The following NRXN3 variants were observed in gnomAD, a reference collection of about 807,000 sequenced individuals.
NRXN3 encodes the protein neurexin 3, also known as neurexin III.
In NRXN3, 32 loss-of-function variants were observed where a neutral mutation model predicts 137.6. The observed-to-expected ratio is 0.23, with a 90% confidence interval of 0.18 to 0.31. The LOEUF is 0.31. NRXN3 is among the 10% of genes least tolerant of loss of function. The probability of loss-of-function intolerance (pLI) is 1.00; values close to 1 mark genes in which losing one functional copy is unlikely to be tolerated. For synonymous variants in NRXN3, 798 were observed against 784.5 expected, an observed-to-expected ratio of 1.02 and a Z score of -0.29; for missense variants, 1,574 against 2,062.5, an observed-to-expected ratio of 0.76 and a Z score of 4.59.
chr14:79,290,318 C>A (rs182534319), intron 15 of NRXN3, among the ~76,000 whole-genome samples: 1 of 152,080 alleles, frequency 6.6e-6, no homozygotes, highest in Non-Finnish European at 1.5e-5. Flanking sequence ...GGCAATAGAG[C>A]GGGTTGATAG....
At chr14:79,220,054 A>G (rs1042620845) in intron 15 of NRXN3, among the ~76,000 whole-genome samples, 6 of 152,202 alleles carry the variant, frequency 3.9e-5, no homozygotes, top group African/African-American at 1.4e-4. Flanking sequence ...ATTGGAATGT[A>G]GTTTATAGTT....
At chr14:79,746,963 C>T (rs1026368520) in intron 19 of NRXN3, among the ~76,000 whole-genome samples, 8 of 152,054 alleles carry the variant, frequency 5.3e-5, no homozygotes, top group African/African-American at 1.9e-4. Context: ...TGACACTTTA[C>T]CTAGAGCAAG....
intron 4 of NRXN3, among the ~76,000 whole-genome samples, chr14:78,303,815 G>A (rs2077102809): frequency 6.6e-6 from 1 of 151,982 alleles, no homozygotes; most frequent in African/African-American, 2.4e-5. Flanking sequence ...GTGTTATAAG[G>A]TACCTATGCC....
intron 10 of NRXN3, among the ~76,000 whole-genome samples, chr14:78,815,641 T>C (rs528460944): frequency 5.3e-5 from 8 of 152,226 alleles, no homozygotes; most frequent in South Asian, 2.1e-4. Context: ...ACTGGACTTA[T>C]GGTTTTCTTC....
At chr14:78,270,188 C>G (rs1327388231) in intron 2 of NRXN3, among the ~76,000 whole-genome samples, 1 of 152,170 alleles carries the variant, frequency 6.6e-6, no homozygotes, top group Non-Finnish European at 1.5e-5. Context: ...TCTATCCTAT[C>G]TATGGTGGGG....
chr14:79,581,634 C>G (rs1470906168), intron 16 of NRXN3, among the ~76,000 whole-genome samples: 2 of 152,138 alleles, frequency 1.3e-5, no homozygotes. Context: ...TCTCAAAGCT[C>G]AAGTCAAATT....
intron 10 of NRXN3, among the ~76,000 whole-genome samples, chr14:78,913,909 A>G (rs1188530049): frequency 6.6e-6 from 1 of 151,980 alleles, no homozygotes; most frequent in Non-Finnish European, 1.5e-5. Flanking sequence ...TAGAATTCTC[A>G]TTATTATCAG....
At chr14:78,555,414 T>C (rs1468132601) in intron 4 of NRXN3, among the ~76,000 whole-genome samples, 3 of 152,168 alleles carry the variant, frequency 2.0e-5, no homozygotes, top group African/African-American at 7.2e-5. Flanking sequence ...GTCTTCTCAT[T>C]CTAGTTTAAT....
intron 4 of NRXN3, among the ~76,000 whole-genome samples, chr14:78,509,879 C>T (rs1431862630): frequency 1.3e-5 from 2 of 152,082 alleles, no homozygotes; most frequent in Admixed American, 1.3e-4. Context: ...TGACAAATAA[C>T]TTTGGCTTGT....
chr14:79,032,885 A>G (rs1568053934), intron 15 of NRXN3, among the ~76,000 whole-genome samples: 1 of 152,170 alleles, frequency 6.6e-6, no homozygotes, highest in East Asian at 1.9e-4. Context: ...TATCTGTGAA[A>G]CAGGGATAAT....
intron 15 of NRXN3, among the ~76,000 whole-genome samples, chr14:79,414,275 T>C (rs2095464954): frequency 6.6e-6 from 1 of 152,160 alleles, no homozygotes; most frequent in South Asian, 2.1e-4. Context: ...ACTTGATGAC[T>C]CAATCATCCT....
chr14:79,560,253 T>C (rs895652244), intron 16 of NRXN3, among the ~76,000 whole-genome samples: 25 of 152,096 alleles, frequency 1.6e-4, no homozygotes, highest in African/African-American at 6.0e-4. Flanking sequence ...CAGTCTTTCC[T>C]CTGGCCTGGT....
rs142093310 is a variant in NRXN3 at position 79,618,558 on chromosome 14, A to G, written c.3445-45220A>G. 5.0e-3 allele frequency among the ~76,000 whole-genome samples: 767 copies of G among 152,256 alleles called. 5 individuals are homozygous for G. Among genetic ancestry groups the G allele is most frequent in the African/African-American group, 0.018 (742 of 41,572 alleles). On this transcript the variant is annotated intron_variant, in intron 16 of 20. Coordinates refer to ENST00000335750, the MANE Select transcript of NRXN3 (RefSeq NM_001330195.2). ...CTTTTCTGTGGCTGTGTAGTATTCC[A>G]TGGTGTACATGTACCATATTGTTTT...
At chr14:79,387,564 A>C (rs2094675262) in intron 15 of NRXN3, among the ~76,000 whole-genome samples, 1 of 152,166 alleles carries the variant, frequency 6.6e-6, no homozygotes, top group South Asian at 2.1e-4. Context: ...AGGGATCTAG[A>C]ACTAGAAATA....
chr14:79,664,031 C>A, intron 17 of NRXN3, 82 bp downstream of exon 17: 1 of 1,385,822 alleles, frequency 7.2e-7, no homozygotes, highest in Non-Finnish European at 1.0e-6. Context: ...TCATGACTGT[C>A]ACCAAATTCC....
intron 1 of NRXN3, among the ~76,000 whole-genome samples, chr14:78,178,381 G>A (rs935757514): frequency 1.9e-4 from 29 of 152,212 alleles, no homozygotes; most frequent in African/African-American, 6.8e-4. Context: ...TGCTGCTTAG[G>A]AGTAATGCTG....
intron 19 of NRXN3, among the ~76,000 whole-genome samples, chr14:79,801,211 C>A (rs937792786): frequency 1.1e-4 from 16 of 152,200 alleles, no homozygotes; most frequent in Non-Finnish European, 2.1e-4. Flanking sequence ...AAGACCCACA[C>A]AGATTGTCTA....
chr14:78,709,868 G>C, intron 7 of NRXN3: 1 of 560,844 alleles, frequency 1.8e-6, no homozygotes, highest in South Asian at 2.1e-5. Context: ...CACTCACTGC[G>C]CAATTGTCTC....
chr14:79,864,926 T>C lies in NRXN3; in HGVS notation c.*2962T>C, dbSNP rs1287388146. ...GCCACCACGCCCGGCTAATTTTTTG[T>C]ATTTTTCGTAGAGACGGGGTTTCAC... On this transcript the variant is annotated 3_prime_UTR_variant, in exon 21 of 21. Coordinates refer to ENST00000335750, the MANE Select transcript of NRXN3 (RefSeq NM_001330195.2). 1 of 152,236 alleles carries C rather than the reference T, an allele frequency of 6.6e-6. No homozygotes were observed. The highest frequency in any genetic ancestry group is 1.5e-5 in the Non-Finnish European group (1 of 68,128). The allele number at this position is 152,236 out of a possible 1,614,324, so 9.4% of individuals were successfully genotyped here. A position where few individuals can be genotyped will look rare whatever the true frequency, so the allele number is the denominator to read the frequency against.
Sources: allele counts gnomAD v4.1 joint callset (sites outside exome capture counted in the v4.1 genomes callset), GRCh38; gene constraint gnomAD v4.1.1; transcripts MANE v1.5; gene names NCBI Gene and HGNC (gene_info 2026-07-23, HGNC 2026-07-21).